Variants in ABHD12 observed in about 807,000 individuals in gnomAD.
The protein encoded by ABHD12 is lysophosphatidylserine lipase ABHD12.
Under a neutral mutation model 58.3 loss-of-function variants are expected in ABHD12, and 43 were observed. That is an observed-to-expected ratio of 0.74 (90% CI 0.58 to 0.95). The LOEUF (loss-of-function observed/expected upper bound fraction) is 0.95, where lower values mean the gene tolerates loss of function less well. Among genes scored for constraint, ABHD12 ranks in the 40% least tolerant of loss-of-function variants. The pLI is 0.00. For missense variants in ABHD12, 539 were observed against 537.2 expected, an observed-to-expected ratio of 1.00 and a Z score of -0.03; for synonymous variants, 219 against 211.2, an observed-to-expected ratio of 1.04 and a Z score of -0.32.
chr20:25,317,248 G>C (rs1394267916), intron 4 of ABHD12, among the ~76,000 whole-genome samples, 170 bp from the exon 5 acceptor site: 1 of 152,188 alleles, frequency 6.6e-6, no homozygotes, highest in Non-Finnish European at 1.5e-5. Flanking sequence ...CTGTGCCAAG[G>C]GGGAGATGGT....
At chr20:25,301,480 G>A (rs867812833) in intron 12 of ABHD12, among the ~76,000 whole-genome samples, 1 of 152,228 alleles carries the variant, frequency 6.6e-6, no homozygotes, top group African/African-American at 2.4e-5. Context: ...CGTGGGTCCA[G>A]TGCTTAGGGT....
chr20:25,303,332 C>A, intron 11 of ABHD12: 1 of 1,449,652 alleles, frequency 6.9e-7, no homozygotes, highest in Non-Finnish European at 9.1e-7. Context: ...TGGGCCCCTG[C>A]CCCAACCTTT....
At chr20:25,327,325 G>A (rs912140551) in intron 2 of ABHD12, among the ~76,000 whole-genome samples, 1 of 152,086 alleles carries the variant, frequency 6.6e-6, no homozygotes, top group African/African-American at 2.4e-5. Flanking sequence ...AAATTAGCCG[G>A]GCATGGTGGT....
chr20:25,371,424 T>C (rs1459037982), intron 1 of ABHD12, among the ~76,000 whole-genome samples: 1 of 152,224 alleles, frequency 6.6e-6, no homozygotes, highest in East Asian at 1.9e-4. Flanking sequence ...ATAAAACGCT[T>C]AGTAACCATC....
intron 1 of ABHD12, among the ~76,000 whole-genome samples, chr20:25,378,046 A>G (rs987063429): frequency 6.6e-6 from 1 of 152,196 alleles, no homozygotes; most frequent in African/African-American, 2.4e-5. Context: ...CCAAGATTCC[A>G]ATACTTTCCA....
intron 1 of ABHD12, among the ~76,000 whole-genome samples, chr20:25,343,758 G>A (rs1285247404): frequency 2.0e-5 from 3 of 152,092 alleles, no homozygotes; most frequent in Non-Finnish European, 4.4e-5. Flanking sequence ...TCGCACCACT[G>A]CACTCCAGCC....
chr20:25,321,960 C>T (rs750158275), intron 3 of ABHD12, among the ~76,000 whole-genome samples: 4 of 152,218 alleles, frequency 2.6e-5, no homozygotes, highest in Non-Finnish European at 2.9e-5. Context: ...CTCTCATCCA[C>T]ACTGGGAAGC....
chr20:25,319,423 C>T (rs568316457), intron 4 of ABHD12, among the ~76,000 whole-genome samples: 32 of 152,318 alleles, frequency 2.1e-4, no homozygotes, highest in African/African-American at 7.7e-4. Context: ...GAGCAGAGAG[C>T]TCACACTGTA....
At chr20:25,301,436 C>CA (rs1397295356) in intron 12 of ABHD12, among the ~76,000 whole-genome samples, 1 of 142,912 alleles carries the variant, frequency 7.0e-6, no homozygotes, top group African/African-American at 2.5e-5. Flanking sequence ...CACAACACAA[C>CA]AAAAAACTCT....
At chr20:25,326,355 C>T (rs2089177570) in intron 2 of ABHD12, among the ~76,000 whole-genome samples, 1 of 152,210 alleles carries the variant, frequency 6.6e-6, no homozygotes, top group Admixed American at 6.5e-5. Flanking sequence ...GTGGGTAAAA[C>T]TGGCCTCATA....
At chr20:25,310,779 A>G (rs1402456623) in intron 6 of ABHD12, among the ~76,000 whole-genome samples, 1 of 152,196 alleles carries the variant, frequency 6.6e-6, no homozygotes, top group Non-Finnish European at 1.5e-5. Flanking sequence ...AGGAGGCAGA[A>G]GGATGCGGAC....
chr20:25,368,266 T>A (rs2089851042), intron 1 of ABHD12: 4 of 1,525,274 alleles, frequency 2.6e-6, no homozygotes, highest in Non-Finnish European at 3.6e-6. Flanking sequence ...AAAACACAAG[T>A]CAAACTTATT....
At position 25,390,684 on chromosome 20, in the gene ABHD12, G is replaced by A. The variant is rs1199598105; in HGVS notation, c.20C>T (p.Pro7Leu). Residue 7 changes from proline (P) to leucine (L), a missense_variant, in exon 1 of 13, where the codon CCC (proline) becomes CTC (leucine). Coordinates refer to ENST00000339157, the MANE Select transcript of ABHD12 (RefSeq NM_001042472.3). The part of the protein sequence containing the change: MRKRTE[P>L]VALEHERCAA... ...GCAGCGCTCATGCTCCAAGGCGACG[G>A]GCTCGGTCCGCTTCCTCATCCCGCG... The A allele has an allele frequency of 4.9e-6, 7 of 1,416,074 alleles. No homozygotes were observed. Among genetic ancestry groups the A allele is most frequent in the Non-Finnish European group, 6.5e-6 (7 of 1,085,242 alleles). 87.7% of individuals were successfully genotyped at this position (1,416,074 alleles called of 1,614,324 possible).
At chr20:25,369,138 A>C (rs1347725050) in intron 1 of ABHD12, among the ~76,000 whole-genome samples, 1 of 152,014 alleles carries the variant, frequency 6.6e-6, no homozygotes, top group Non-Finnish European at 1.5e-5. Context: ...AAAAAAAATT[A>C]GCCATCCTAA....
At chr20:25,386,485 C>T (rs1242698813) in intron 1 of ABHD12, among the ~76,000 whole-genome samples, 1 of 151,932 alleles carries the variant, frequency 6.6e-6, no homozygotes, top group Non-Finnish European at 1.5e-5. Context: ...TGGTCTCGAT[C>T]TCCTGACCTC....
chr20:25,303,746 C>T (rs2088683965), intron 10 of ABHD12, 118 bp from the exon 11 acceptor site: 1 of 1,420,872 alleles, frequency 7.0e-7, no homozygotes, highest in East Asian at 2.5e-5. Flanking sequence ...CTGATTTCTG[C>T]TGGATTTCTT....
chr20:25,303,911 G>A (rs956530225), intron 10 of ABHD12, among the ~76,000 whole-genome samples: 11 of 152,198 alleles, frequency 7.2e-5, no homozygotes, highest in Non-Finnish European at 1.5e-4. Flanking sequence ...ATATTTTTAA[G>A]CGGAATAATT....
chr20:25,318,661 ATC>A (rs1259592134), intron 4 of ABHD12, among the ~76,000 whole-genome samples: 26 of 117,608 alleles, frequency 2.2e-4, no homozygotes, highest in African/African-American at 7.8e-4. Context: ...TATAGGCAGG[ATC>A]TTTTTTTTTT....
At chr20:25,314,571 C>T (rs1270445585) in intron 6 of ABHD12, among the ~76,000 whole-genome samples, 2 of 151,696 alleles carry the variant, frequency 1.3e-5, no homozygotes, top group African/African-American at 2.4e-5. Flanking sequence ...CACAGCTACT[C>T]GAGAGCCTAA....
Sources: allele counts gnomAD v4.1 joint callset (sites outside exome capture counted in the v4.1 genomes callset), GRCh38; gene constraint gnomAD v4.1.1; transcripts MANE v1.5; gene names NCBI Gene and HGNC (gene_info 2026-07-23, HGNC 2026-07-21).